DOCK4: variants seen among roughly 807,000 people sequenced by gnomAD.
DOCK4 encodes dedicator of cytokinesis protein 4.
In DOCK4, 97 loss-of-function variants were observed where a neutral mutation model predicts 268.1. The observed-to-expected ratio is 0.36, with a 90% confidence interval of 0.31 to 0.43. The LOEUF is 0.43. DOCK4 is among the 20% of genes least tolerant of loss of function. DOCK4 has a pLI of 1.00. For synonymous variants in DOCK4, 954 were observed against 887.2 expected (o/e 1.08, Z -1.34); for missense variants, 2,145 against 2,455.7 (o/e 0.87, Z 2.67).
chr7:112,004,842 T>C (rs894955550), intron 1 of DOCK4, among the ~76,000 whole-genome samples: 4 of 152,184 alleles, frequency 2.6e-5, no homozygotes, highest in Non-Finnish European at 5.9e-5. Flanking sequence ...ATTAATGGTT[T>C]AGATTAATTG....
chr7:111,806,487 G>A (rs73434273), intron 30 of DOCK4, among the ~76,000 whole-genome samples: 10,588 of 152,174 alleles, frequency 0.07, 1,244 homozygotes, highest in African/African-American at 0.24. Context: ...CAGCAACCAA[G>A]GAATGAAGTA....
chr7:112,046,550 C>T (rs555607443), intron 1 of DOCK4, among the ~76,000 whole-genome samples: 46 of 152,278 alleles, frequency 3.0e-4, no homozygotes, highest in Admixed American at 5.2e-4. Flanking sequence ...ATTTAACCCA[C>T]TGCCTGAAAC....
chr7:111,926,517 AAAAG>A (rs201075374), intron 12 of DOCK4, among the ~76,000 whole-genome samples: 7,669 of 148,920 alleles, frequency 0.051, 265 homozygotes, highest in Middle Eastern at 0.086. Context: ...AAGGAAGAAA[AAAAG>A]AAAGAAAAAG....
At chr7:112,048,135 A>G (rs760471905) in intron 1 of DOCK4, among the ~76,000 whole-genome samples, 1 of 152,188 alleles carries the variant, frequency 6.6e-6, no homozygotes, top group African/African-American at 2.4e-5. Context: ...TCCAAATTCG[A>G]TAAGAACATA....
intron 1 of DOCK4, among the ~76,000 whole-genome samples, chr7:112,026,379 A>G (rs879358035): frequency 1.3e-5 from 2 of 152,178 alleles, no homozygotes; most frequent in Non-Finnish European, 2.9e-5. Context: ...TCTGAGGTGG[A>G]ACAGTTCATC....
At chr7:111,970,106 C>T (rs1204319799) in intron 8 of DOCK4, among the ~76,000 whole-genome samples, 2 of 152,190 alleles carry the variant, frequency 1.3e-5, no homozygotes, top group Non-Finnish European at 2.9e-5. Flanking sequence ...GTCCCTCCCA[C>T]TCTAGTTTCC....
chr7:112,176,246 A>G (rs1187298790), intron 1 of DOCK4, among the ~76,000 whole-genome samples: 1 of 152,180 alleles, frequency 6.6e-6, no homozygotes, highest in Non-Finnish European at 1.5e-5. Flanking sequence ...TACAGGCACT[A>G]AAGAAAAAGA....
intron 13 of DOCK4, among the ~76,000 whole-genome samples, chr7:111,908,461 A>AAATAATAAT (rs3055494): frequency 0.11 from 16,681 of 150,114 alleles, 1,212 homozygotes; most frequent in Non-Finnish European, 0.16. Flanking sequence ...AAAATAAATA[A>AAATAATAAT]AATAATAATA....
chr7:111,867,881 A>T, intron 22 of DOCK4, 103 bp downstream of exon 22: 1 of 1,136,756 alleles, frequency 8.8e-7, no homozygotes, highest in Non-Finnish European at 1.2e-6. Context: ...AAACTGGAGC[A>T]ATTGACTTCT....
At chr7:112,139,035 T>C (rs547933553) in intron 1 of DOCK4, among the ~76,000 whole-genome samples, 1 of 152,132 alleles carries the variant, frequency 6.6e-6, no homozygotes, top group Admixed American at 6.5e-5. Flanking sequence ...GAGAAATAAA[T>C]GTCTGTTTTT....
intron 32 of DOCK4, 174 bp from the exon 33 acceptor site, chr7:111,784,297 T>C: frequency 1.3e-6 from 1 of 794,184 alleles, no homozygotes; most frequent in South Asian, 1.5e-5. Flanking sequence ...CCACATCAAA[T>C]AACACTGCAA....
intron 1 of DOCK4, among the ~76,000 whole-genome samples, chr7:112,134,698 A>G (rs908657240): frequency 6.6e-6 from 1 of 152,236 alleles, no homozygotes; most frequent in African/African-American, 2.4e-5. Flanking sequence ...CCTGGGCGAC[A>G]GAGCGAGACT....
intron 15 of DOCK4, among the ~76,000 whole-genome samples, chr7:111,897,536 T>C (rs1036387524): frequency 1.3e-5 from 2 of 152,260 alleles, no homozygotes; most frequent in Non-Finnish European, 1.5e-5. Flanking sequence ...AGCTGGATCA[T>C]ACTGGCCCGT....
chr7:111,888,746 T>C (rs1193982081), intron 16 of DOCK4, among the ~76,000 whole-genome samples: 1 of 152,136 alleles, frequency 6.6e-6, no homozygotes, highest in Non-Finnish European at 1.5e-5. Context: ...TCTTCCTCAC[T>C]GGCCCTCAAA....
At chr7:112,191,009 T>A (rs1018965879) in intron 1 of DOCK4, among the ~76,000 whole-genome samples, 1 of 152,186 alleles carries the variant, frequency 6.6e-6, no homozygotes, top group Admixed American at 6.5e-5. Context: ...GCTCCTCCAA[T>A]GAATGGGAAT....
chr7:112,161,404 A>G (rs1285221615), intron 1 of DOCK4, among the ~76,000 whole-genome samples: 1 of 152,190 alleles, frequency 6.6e-6, no homozygotes, highest in Non-Finnish European at 1.5e-5. Flanking sequence ...TGGGAAGGAA[A>G]GATACATAGA....
Position 112,018,179 on chromosome 7 carries a change from A to AAAAACAAC in DOCK4, c.38-14049_38-14048insGTTGTTTT. ...AAAAAAAAAAAAAAAAAAAAAAAAA[A>AAAAACAAC]ACACAGGCAACCAGTATTCATGTGG... On this transcript the variant is annotated intron_variant, in intron 1 of 52. Transcript: ENST00000428084. 3.3e-4 allele frequency among the ~76,000 whole-genome samples: 24 copies of AAAAACAAC among 72,630 alleles called. 6 individuals carry two copies. Among genetic ancestry groups the AAAAACAAC allele is most frequent in the Admixed American group, 1.2e-3 (9 of 7,654 alleles). 47.6% of individuals were successfully genotyped at this position (72,630 alleles called of 152,430 possible).
At position 112,006,188 on chromosome 7, in the gene DOCK4, G is replaced by T. The variant is rs535088686; in HGVS notation, c.38-2057C>A. Among the ~76,000 whole-genome samples, 5 of 152,248 alleles carry T rather than the reference G, an allele frequency of 3.3e-5. No homozygotes were observed. The South Asian group carries it at 6.2e-4, about 19-fold the overall frequency. On this transcript the variant is annotated intron_variant, in intron 1 of 52. Coordinates refer to ENST00000428084, the MANE Select transcript of DOCK4 (RefSeq NM_001363540.2). Reference sequence around the variant, plus strand: ...TTATTACCTGTGTGACCTCGGTCAGGATATCAACCTCTCAGAATCTCCACA... The same window carrying T: ...TTATTACCTGTGTGACCTCGGTCAGTATATCAACCTCTCAGAATCTCCACA...
intron 12 of DOCK4, among the ~76,000 whole-genome samples, chr7:111,920,215 A>T (rs979238645): frequency 2.0e-5 from 3 of 152,132 alleles, no homozygotes; most frequent in Non-Finnish European, 4.4e-5. Flanking sequence ...CGTTCTAGAG[A>T]GCTATTGTAT....
Sources: gnomAD v4.1 joint callset for allele counts (sites outside exome capture counted in the v4.1 genomes callset) on GRCh38, gnomAD v4.1.1 for gene constraint, MANE v1.5 for transcripts, NCBI Gene and HGNC (gene_info 2026-07-23, HGNC 2026-07-21) for gene names.